STX8: variants seen among roughly 807,000 people sequenced by gnomAD.
The protein encoded by STX8 is syntaxin-8.
In STX8, 23 loss-of-function variants were observed where a neutral mutation model predicts 37.5. The observed-to-expected ratio is 0.61, with a 90% CI of 0.44 to 0.87. The LOEUF (loss-of-function observed/expected upper bound fraction) is 0.87. Ranked by LOEUF, STX8 falls within the 40% of genes least tolerant of loss-of-function variation. STX8 has a pLI of 0.00. For missense variants in STX8, 313 were observed against 284.7 expected (o/e 1.10, Z -0.71); for synonymous variants, 115 against 99.1 (o/e 1.16, Z -0.95).
rs189026513 is a variant in STX8 at position 9,332,625 on chromosome 17, G to A, written c.643+45927C>T. On this transcript the variant is annotated intron_variant, in intron 7 of 7. Transcript: ENST00000306357. The stretch of plus-strand genomic sequence containing the variant: ...ACATTCTTATGTTATTCAAACCATT[G>A]TCTAGTGACAATCTTAACGATGTTA... Among the ~76,000 whole-genome samples the A allele has an allele frequency of 4.6e-5, 7 of 152,328 alleles. No homozygotes were observed. The East Asian group carries it at 5.8e-4, about 13-fold the overall frequency.
chr17:9,534,999 G>A lies in STX8; in HGVS notation c.323+10173C>T, dbSNP rs78070316. Among the ~76,000 whole-genome samples the A allele has an allele frequency of 1.5e-3, 221 of 152,224 alleles. 4 individuals are homozygous for A. The East Asian group carries it at 0.039, about 27-fold the overall frequency. Reference sequence around the variant, plus strand: ...TGCAGCATCTTACATCTGAAGATGAGAAGATGAACTACTAAGTAAAAAATA... The same window carrying A: ...TGCAGCATCTTACATCTGAAGATGAAAAGATGAACTACTAAGTAAAAAATA... On this transcript the variant is annotated intron_variant, in intron 4 of 7. Transcript: ENST00000306357.
chr17:9,352,881 A>G (rs868575814), intron 7 of STX8, among the ~76,000 whole-genome samples: 1 of 150,480 alleles, frequency 6.6e-6, no homozygotes, highest in African/African-American at 2.4e-5. Flanking sequence ...TATTGCTCCA[A>G]TTGCCTCCAT....
At chr17:9,552,722 G>A (rs1464071525) in intron 3 of STX8, 2 of 149,174 alleles carry the variant, frequency 1.3e-5, no homozygotes, top group Non-Finnish European at 1.5e-5. Context: ...GCGCGATCTC[G>A]GCTCACTGCA....
chr17:9,453,642 G>A (rs1052908206), intron 6 of STX8, among the ~76,000 whole-genome samples: 6 of 151,824 alleles, frequency 4.0e-5, no homozygotes, highest in African/African-American at 1.2e-4. Flanking sequence ...ACAGGCATGT[G>A]CCACCATGCC....
intron 4 of STX8, among the ~76,000 whole-genome samples, chr17:9,529,000 T>C (rs1462926521): frequency 6.6e-6 from 1 of 151,760 alleles, no homozygotes; most frequent in African/African-American, 2.4e-5. Context: ...ACGGGGGAAA[T>C]ATAAAAATGA....
chr17:9,299,748 T>TA (rs1041124720), intron 7 of STX8, among the ~76,000 whole-genome samples: 1 of 152,278 alleles, frequency 6.6e-6, no homozygotes, highest in Non-Finnish European at 1.5e-5. Context: ...GGGCCATTCT[T>TA]ACATTATTTA....
intron 7 of STX8, among the ~76,000 whole-genome samples, chr17:9,376,807 C>T (rs150247233): frequency 2.0e-5 from 3 of 152,268 alleles, no homozygotes; most frequent in African/African-American, 4.8e-5. Context: ...ACATTCACTG[C>T]GAGGGTCCAC....
chr17:9,422,708 T>G (rs1030753066), intron 6 of STX8, among the ~76,000 whole-genome samples: 1 of 152,250 alleles, frequency 6.6e-6, no homozygotes, highest in African/African-American at 2.4e-5. Context: ...GCTTTTGCAC[T>G]GTAACTGCAA....
At chr17:9,566,087 A>G (rs1907449487) in intron 2 of STX8, among the ~76,000 whole-genome samples, 1 of 152,224 alleles carries the variant, frequency 6.6e-6, no homozygotes, top group African/African-American at 2.4e-5. Context: ...GCCAGTATCT[A>G]TAAGGAACTT....
intron 7 of STX8, among the ~76,000 whole-genome samples, chr17:9,284,484 A>T (rs560580450): frequency 6.6e-6 from 1 of 152,356 alleles, no homozygotes; most frequent in Admixed American, 6.5e-5. Context: ...TGCACCCTGG[A>T]GATACGGAGA....
intron 7 of STX8, among the ~76,000 whole-genome samples, chr17:9,311,472 A>G (rs1307737262): frequency 6.6e-6 from 1 of 152,234 alleles, no homozygotes; most frequent in East Asian, 1.9e-4. Context: ...GCAATATGTA[A>G]TATTAACAGT....
intron 6 of STX8, among the ~76,000 whole-genome samples, chr17:9,409,868 TAA>T (rs1490717496): frequency 6.6e-6 from 1 of 152,228 alleles, no homozygotes; most frequent in Non-Finnish European, 1.5e-5. Flanking sequence ...TGTACAAAAG[TAA>T]GAGAAATCTC....
chr17:9,344,640 G>C (rs1279676306), intron 7 of STX8, among the ~76,000 whole-genome samples: 4 of 152,092 alleles, frequency 2.6e-5, no homozygotes, highest in Non-Finnish European at 4.4e-5. Context: ...TGCTGTCTCT[G>C]GCCTGCAAAG....
intron 4 of STX8, among the ~76,000 whole-genome samples, chr17:9,510,039 G>A (rs926461065): frequency 2.6e-5 from 4 of 152,058 alleles, no homozygotes; most frequent in Admixed American, 2.6e-4. Context: ...GACAAAGAAG[G>A]ACATTACATA....
intron 6 of STX8, among the ~76,000 whole-genome samples, chr17:9,448,479 TG>T (rs1904930288): frequency 1.3e-5 from 2 of 152,176 alleles, no homozygotes; most frequent in East Asian, 3.9e-4. Flanking sequence ...CCGTTTAAAA[TG>T]GCCCCAAGTG....
intron 4 of STX8, among the ~76,000 whole-genome samples, chr17:9,536,040 G>C (rs916355230): frequency 3.3e-5 from 5 of 152,176 alleles, no homozygotes; most frequent in East Asian, 3.9e-4. Context: ...ATTCCTATTT[G>C]CTGGTATGTG....
chr17:9,254,128 G>A (rs1236700532), intron 7 of STX8, among the ~76,000 whole-genome samples: 1 of 152,134 alleles, frequency 6.6e-6, no homozygotes, highest in Non-Finnish European at 1.5e-5. Flanking sequence ...TGGCCAAGGG[G>A]GTCTTGCACA....
chr17:9,435,241 G>T (rs1407896348), intron 6 of STX8, among the ~76,000 whole-genome samples: 2 of 152,214 alleles, frequency 1.3e-5, no homozygotes, highest in African/African-American at 4.8e-5. Context: ...GACCGTTCAG[G>T]TGAAGATGCT....
At chr17:9,338,355 T>G (rs1394339405) in intron 7 of STX8, among the ~76,000 whole-genome samples, 1 of 152,046 alleles carries the variant, frequency 6.6e-6, no homozygotes, top group Non-Finnish European at 1.5e-5. Context: ...CGTCCAGGTA[T>G]TCTGAAGGGT....
Sources: gnomAD v4.1 joint callset for allele counts (sites outside exome capture counted in the v4.1 genomes callset) on GRCh38, gnomAD v4.1.1 for gene constraint, MANE v1.5 for transcripts, NCBI Gene and HGNC (gene_info 2026-07-23, HGNC 2026-07-21) for gene names.